Variants in ESR1 observed in about 807,000 individuals in gnomAD.
The protein encoded by ESR1 is estrogen receptor.
Under a neutral mutation model 52.7 loss-of-function variants are expected in ESR1, and 12 were observed. The observed-to-expected ratio is 0.23, with a 90% CI of 0.15 to 0.37. The LOEUF is 0.37. Ranked by LOEUF, ESR1 falls within the 10% of genes least tolerant of loss-of-function variation. ESR1 has a pLI of 1.00. For missense variants in ESR1, 584 were observed against 779.7 expected, an observed-to-expected ratio of 0.75 and a Z score of 2.99; for synonymous variants, 305 against 316.8, an observed-to-expected ratio of 0.96 and a Z score of 0.39.
chr6:152,006,065 A>G lies in ESR1; in HGVS notation c.1097-5591A>G, dbSNP rs6915590. 1.4e-3 allele frequency among the ~76,000 whole-genome samples: 213 copies of G among 152,142 alleles called. 1 individual carries two copies. Among genetic ancestry groups the G allele is most frequent in the African/African-American group, 4.9e-3 (204 of 41,528 alleles). On this transcript the variant is annotated intron_variant, in intron 4 of 7. Coordinates refer to ENST00000206249, the MANE Select transcript of ESR1 (RefSeq NM_000125.4). ...CCTTATTATGGCAGGGCAAAACCAG[A>G]ATAGTCACAGTGATGGTGATGTAGG... is the stretch of plus-strand genomic sequence containing the variant.
intron 4 of ESR1, among the ~76,000 whole-genome samples, chr6:152,008,442 A>G (rs2042506234): frequency 6.6e-6 from 1 of 152,152 alleles, no homozygotes; most frequent in African/African-American, 2.4e-5. Context: ...GACAGATTCC[A>G]TGATCACCAT....
chr6:151,668,165 A>C (rs9479090), intron 1 of ESR1, among the ~76,000 whole-genome samples: 22,286 of 152,210 alleles, frequency 0.15, 2,263 homozygotes, highest in East Asian at 0.36. Flanking sequence ...AGGCACCAGC[A>C]GATTGGTTGT....
intron 2 of ESR1, among the ~76,000 whole-genome samples, chr6:151,866,494 C>T (rs953834370): frequency 6.6e-6 from 1 of 152,036 alleles, no homozygotes; most frequent in South Asian, 2.1e-4. Context: ...CACCCCCTGA[C>T]AGGCCCCAGT....
chr6:151,851,873 G>T lies in ESR1; in HGVS notation c.643+9086G>T, dbSNP rs183272117. On this transcript the variant is annotated intron_variant, in intron 2 of 7. Transcript: ENST00000206249. The stretch of plus-strand genomic sequence containing the variant: ...AGATTAATCTGGCAGAGGTATATAG[G>T]AGGGACCAGAGAAGGGAAAGAATCA... Among the ~76,000 whole-genome samples the T allele has an allele frequency of 9.2e-3, 1,400 of 152,240 alleles. 24 individuals are homozygous for T. The highest frequency in any genetic ancestry group is 0.033 in the African/African-American group (1,354 of 41,560).
At chr6:152,068,014 C>A (rs2128978709) in intron 6 of ESR1, among the ~76,000 whole-genome samples, 1 of 152,300 alleles carries the variant, frequency 6.6e-6, no homozygotes, top group African/African-American at 2.4e-5. Context: ...AAAACAAATT[C>A]TTAAATTAAA....
intron 3 of ESR1, among the ~76,000 whole-genome samples, chr6:151,934,502 T>G (rs2034112513): frequency 6.6e-6 from 1 of 152,216 alleles, no homozygotes; most frequent in Non-Finnish European, 1.5e-5. Context: ...TTTACATAAG[T>G]GATACATGAC....
chr6:151,953,222 A>G (rs751445998), intron 4 of ESR1, among the ~76,000 whole-genome samples: 1 of 152,190 alleles, frequency 6.6e-6, no homozygotes, highest in Non-Finnish European at 1.5e-5. Context: ...ACAGTGGTAT[A>G]TTTAGACCCA....
intron 1 of ESR1, among the ~76,000 whole-genome samples, chr6:151,837,761 A>C (rs1783603133): frequency 6.6e-6 from 1 of 152,192 alleles, no homozygotes; most frequent in Non-Finnish European, 1.5e-5. Context: ...CTTAAGAGAA[A>C]GTGTCCAAGA....
intron 2 of ESR1, among the ~76,000 whole-genome samples, chr6:151,759,886 TG>T (rs1784545866): frequency 6.6e-6 from 1 of 152,200 alleles, no homozygotes; most frequent in African/African-American, 2.4e-5. Context: ...CAAAAGTAAC[TG>T]CGGTTTTTGC....
intron 2 of ESR1, among the ~76,000 whole-genome samples, chr6:151,791,287 C>T (rs570451564): frequency 2.4e-4 from 36 of 152,178 alleles, no homozygotes; most frequent in Non-Finnish European, 4.6e-4. Context: ...ATCACGGGGG[C>T]GGGTCTCTCC....
rs115622865 is a variant in ESR1, at chr6:151,866,164, C to T, written c.644-14491C>T. Among the ~76,000 whole-genome samples, 369 of 152,272 alleles carry T rather than the reference C, an allele frequency of 2.4e-3. 1 individual carries two copies. The highest frequency in any genetic ancestry group is 8.3e-3 in the African/African-American group (344 of 41,556). ...ACTATGAAATGCTCCAGATCATCTA[C>T]GCTAGTTTGAGTTAAATTTACCATG... On this transcript the variant is annotated intron_variant, in intron 2 of 7. Transcript: ENST00000206249.
chr6:152,035,613 G>A (rs1462365992), intron 5 of ESR1, among the ~76,000 whole-genome samples: 1 of 152,120 alleles, frequency 6.6e-6, no homozygotes, highest in African/African-American at 2.4e-5. Flanking sequence ...GCTCTTGGAA[G>A]ATGAAAATTA....
intron 2 of ESR1, among the ~76,000 whole-genome samples, chr6:151,728,159 A>G (rs565969841): frequency 6.6e-6 from 1 of 152,234 alleles, no homozygotes; most frequent in East Asian, 1.9e-4. Flanking sequence ...CCTCCCTCTT[A>G]TGTGGCAGGG....
At chr6:151,758,431 G>A (rs777319624) in intron 2 of ESR1, among the ~76,000 whole-genome samples, 1 of 152,084 alleles carries the variant, frequency 6.6e-6, no homozygotes, top group Admixed American at 6.6e-5. Flanking sequence ...GAGTTCCTGG[G>A]GACTTTAGAG....
chr6:151,994,106 T>A (rs1420435038), intron 4 of ESR1, among the ~76,000 whole-genome samples: 1 of 152,158 alleles, frequency 6.6e-6, no homozygotes, highest in South Asian at 2.1e-4. Flanking sequence ...GTTACAGAGA[T>A]GGTAAATAAG....
chr6:151,970,932 G>T (rs1280764360), intron 4 of ESR1, among the ~76,000 whole-genome samples: 1 of 152,060 alleles, frequency 6.6e-6, no homozygotes, highest in African/African-American at 2.4e-5. Flanking sequence ...AAAAACCTTT[G>T]ATTTCATCTT....
intron 1 of ESR1, among the ~76,000 whole-genome samples, chr6:151,661,339 C>T (rs761456700): frequency 6.6e-6 from 1 of 152,138 alleles, no homozygotes; most frequent in African/African-American, 2.4e-5. Context: ...ACCAGGGTGT[C>T]CAGATGAGAG....
chr6:152,090,396 CT>C (rs2050084831), intron 6 of ESR1, among the ~76,000 whole-genome samples: 1 of 152,236 alleles, frequency 6.6e-6, no homozygotes, highest in South Asian at 2.1e-4. Flanking sequence ...CTGTCACATC[CT>C]TCCTTTGGGA....
rs200303616 is a variant in ESR1, at chr6:151,880,731, C to T, written c.720C>T (p.Cys240=). The T allele has an allele frequency of 2.6e-4, 424 of 1,611,692 alleles. No individual in the cohort carries two copies. The highest frequency in any genetic ancestry group is 3.3e-4 in the Non-Finnish European group (384 of 1,177,746). ...DKNRRKSCQA[C]RLRKCYEVGM... ...ACAGGAGGAAGAGCTGCCAGGCCTGCCGGCTCCGTAAATGCTACGAAGTGG... is the reference window on the plus strand; with the variant it reads ...ACAGGAGGAAGAGCTGCCAGGCCTGTCGGCTCCGTAAATGCTACGAAGTGG... Residue 240 remains cysteine, a synonymous_variant, in exon 3 of 8, where the codon TGC becomes TGT. Coordinates refer to ENST00000206249, the MANE Select transcript of ESR1 (RefSeq NM_000125.4).
Sources: gnomAD v4.1 joint callset for allele counts (sites outside exome capture counted in the v4.1 genomes callset) on GRCh38, gnomAD v4.1.1 for gene constraint, MANE v1.5 for transcripts, NCBI Gene and HGNC (gene_info 2026-07-23, HGNC 2026-07-21) for gene names.